Variants in KCNJ15 observed in about 807,000 individuals in gnomAD.
KCNJ15 encodes the protein potassium inwardly rectifying channel subfamily J member 15.
In KCNJ15, 14 loss-of-function variants were observed where a neutral mutation model predicts 23.0. That is an observed-to-expected ratio of 0.61 (90% CI 0.40 to 0.95). The LOEUF (loss-of-function observed/expected upper bound fraction) is 0.95, where lower values mean the gene tolerates loss of function less well. KCNJ15 is among the 40% of genes least tolerant of loss of function. The pLI is 0.00. For missense variants in KCNJ15, 388 were observed against 461.8 expected, an observed-to-expected ratio of 0.84 and a Z score of 1.46; for synonymous variants, 185 against 183.2, an observed-to-expected ratio of 1.01 and a Z score of -0.08.
chr21:38,267,929 G>T (rs762942903), intron 1 of KCNJ15, among the ~76,000 whole-genome samples: 3 of 152,138 alleles, frequency 2.0e-5, no homozygotes, highest in Non-Finnish European at 4.4e-5. Flanking sequence ...TGGAGAGGGG[G>T]TTACATCTGT....
At chr21:38,286,047 T>C (rs1201334996) in intron 1 of KCNJ15, among the ~76,000 whole-genome samples, 2 of 152,156 alleles carry the variant, frequency 1.3e-5, no homozygotes, top group South Asian at 2.1e-4. Context: ...ATTGAGACCA[T>C]CCTGGCTAAC....
At chr21:38,298,052 A>AT (rs1195426606) in intron 2 of KCNJ15, 21 of 152,194 alleles carry the variant, frequency 1.4e-4, no homozygotes, top group African/African-American at 4.1e-4. Context: ...AAAAGGGAAG[A>AT]TTTTTTTAGT....
At chr21:38,288,029 T>TTTTTC (rs1984131880) in intron 1 of KCNJ15, among the ~76,000 whole-genome samples, 1 of 80,210 alleles carries the variant, frequency 1.2e-5, no homozygotes, top group African/African-American at 4.3e-5. Context: ...TTTTTTTCTT[T>TTTTTC]GTTTTTTTTT....
At chr21:38,269,591 C>T (rs1337278284) in intron 1 of KCNJ15, among the ~76,000 whole-genome samples, 1 of 152,190 alleles carries the variant, frequency 6.6e-6, no homozygotes, top group Non-Finnish European at 1.5e-5. Context: ...ACTTGGCATG[C>T]AAGTGAGCCT....
In KCNJ15 at chr21:38,304,009, G is replaced by C. The variant is rs1419342920; in HGVS notation, c.*3620G>C. On this transcript the variant is annotated 3_prime_UTR_variant, in exon 3 of 3. Transcript: ENST00000398938. Reference sequence around the variant, plus strand: ...GAATACTCTCACGCTCTCAATTTTGGCTTTCATTCTTGCTAGACTTTTCTT... The same window carrying C: ...GAATACTCTCACGCTCTCAATTTTGCCTTTCATTCTTGCTAGACTTTTCTT... 1 of 151,254 alleles carries C rather than the reference G, an allele frequency of 6.6e-6. No homozygotes were observed. The highest frequency in any genetic ancestry group is 1.5e-5 in the Non-Finnish European group (1 of 67,850). 9.4% of individuals were successfully genotyped at this position (151,254 alleles called of 1,614,324 possible). A position where few individuals can be genotyped will look rare whatever the true frequency, so the allele number is the denominator to read the frequency against.
intron 1 of KCNJ15, among the ~76,000 whole-genome samples, chr21:38,259,324 T>G (rs1980631639): frequency 6.6e-6 from 1 of 152,140 alleles, no homozygotes; most frequent in Non-Finnish European, 1.5e-5. Flanking sequence ...GTCCAGAGAC[T>G]GAGCTGTAAG....
chr21:38,282,924 G>A lies in KCNJ15; in HGVS notation c.-116-14002G>A, dbSNP rs573467042. ...CTGCATGCTGGAGGAGATGACATTT[G>A]AGCGGGGCCTCGAGGGATGCGTAGG... On this transcript the variant is annotated intron_variant, in intron 1 of 2. Coordinates refer to ENST00000398938, the MANE Select transcript of KCNJ15 (RefSeq NM_170736.3). Among the ~76,000 whole-genome samples, 3 of 152,282 alleles carry A rather than the reference G, an allele frequency of 2.0e-5. 1 individual carries two copies. Among genetic ancestry groups the A allele is most frequent in the African/African-American group, 7.2e-5 (3 of 41,524 alleles).
At chr21:38,236,766 A>G (rs1447193071) in intron 1 of KCNJ15, among the ~76,000 whole-genome samples, 2 of 152,164 alleles carry the variant, frequency 1.3e-5, no homozygotes, top group Admixed American at 1.3e-4. Context: ...GCTTACTCCT[A>G]TGTGTGGTAC....
chr21:38,241,967 TAA>T (rs34321677), intron 1 of KCNJ15, among the ~76,000 whole-genome samples: 62 of 111,932 alleles, frequency 5.5e-4, no homozygotes, highest in Admixed American at 9.3e-4. Flanking sequence ...AGACTCCATC[TAA>T]AAAAAAAAAA....
intron 1 of KCNJ15, among the ~76,000 whole-genome samples, chr21:38,230,358 G>T (rs1988698905): frequency 6.6e-6 from 1 of 151,842 alleles, no homozygotes; most frequent in African/African-American, 2.4e-5. Flanking sequence ...ATCCATTATT[G>T]TTTTTTAAAC....
At chr21:38,268,302 A>G (rs1981674860) in intron 1 of KCNJ15, among the ~76,000 whole-genome samples, 2 of 152,200 alleles carry the variant, frequency 1.3e-5, no homozygotes, top group East Asian at 1.9e-4. Flanking sequence ...CTTCTAACCT[A>G]CCTACAGTTT....
chr21:38,252,690 G>A (rs1461247662), upstream of KCNJ15, among the ~76,000 whole-genome samples: 3 of 152,174 alleles, frequency 2.0e-5, no homozygotes, highest in African/African-American at 7.2e-5. Context: ...AACTGACAAA[G>A]TGGAGGAGGA....
At chr21:38,260,603 T>G (rs1980780934) in intron 1 of KCNJ15, among the ~76,000 whole-genome samples, 1 of 152,170 alleles carries the variant, frequency 6.6e-6, no homozygotes, top group African/African-American at 2.4e-5. Context: ...TTTTAGCCAC[T>G]ATACAAAGAT....
At chr21:38,272,177 G>T (rs1455148271) in intron 1 of KCNJ15, 1 of 152,200 alleles carries the variant, frequency 6.6e-6, no homozygotes, top group Non-Finnish European at 1.5e-5. Flanking sequence ...CTGCTTGGCA[G>T]TTTTTGTTGT....
intron 1 of KCNJ15, among the ~76,000 whole-genome samples, chr21:38,243,165 T>C (rs1410668997): frequency 6.6e-6 from 1 of 152,144 alleles, no homozygotes; most frequent in African/African-American, 2.4e-5. Flanking sequence ...TTTAAAATTG[T>C]TTATCTTCTT....
At chr21:38,292,097 T>C (rs931183158) in intron 1 of KCNJ15, among the ~76,000 whole-genome samples, 3 of 152,176 alleles carry the variant, frequency 2.0e-5, no homozygotes, top group Non-Finnish European at 4.4e-5. Context: ...ATGCTGATGA[T>C]GGTGGTTAGA....
At chr21:38,230,161 C>T (rs557939055) in intron 1 of KCNJ15, among the ~76,000 whole-genome samples, 1 of 151,926 alleles carries the variant, frequency 6.6e-6, no homozygotes, top group South Asian at 2.1e-4. Context: ...TTGAACATTC[C>T]AATTTCTTTG....
intron 1 of KCNJ15, among the ~76,000 whole-genome samples, chr21:38,239,128 A>G (rs715079): frequency 0.46 from 70,299 of 152,100 alleles, 17,052 homozygotes; most frequent in East Asian, 0.86. Context: ...ATGGAGAAGC[A>G]TTCAGAACTA....
rs1363365560 is a variant in KCNJ15 at position 38,305,499 on chromosome 21, A to T, written c.*5110A>T. ...AGGACAGAACTGATACACGAGTATA[A>T]AAGCCAACGATGTCATATATGTAGG... is the stretch of plus-strand genomic sequence containing the variant. On this transcript the variant is annotated 3_prime_UTR_variant, in exon 3 of 3. Transcript: ENST00000398938. The T allele has an allele frequency of 6.6e-6, 1 of 152,238 alleles. No individual in the cohort carries two copies. Among genetic ancestry groups the T allele is most frequent in the Non-Finnish European group, 1.5e-5 (1 of 68,036 alleles). The allele number at this position is 152,238 out of a possible 1,614,324, so 9.4% of individuals were successfully genotyped here.
Sources: allele counts gnomAD v4.1 joint callset (sites outside exome capture counted in the v4.1 genomes callset), GRCh38; gene constraint gnomAD v4.1.1; transcripts MANE v1.5; gene names NCBI Gene and HGNC (gene_info 2026-07-23, HGNC 2026-07-21).